RAB3C: variants seen among roughly 807,000 people sequenced by gnomAD.
RAB3C encodes the protein RAB3C, member RAS oncogene family.
A neutral mutation model predicts 26.4 loss-of-function variants in RAB3C; 17 were observed. The observed-to-expected ratio is 0.64, with a 90% CI of 0.44 to 0.97. The LOEUF (loss-of-function observed/expected upper bound fraction) is 0.97, where lower values mean the gene tolerates loss of function less well. Ranked by LOEUF, RAB3C falls within the 50% of genes least tolerant of loss-of-function variation. The pLI is 0.00. For missense variants in RAB3C, 242 were observed against 281.9 expected, an observed-to-expected ratio of 0.86 and a Z score of 1.01; for synonymous variants, 91 against 95.9, an observed-to-expected ratio of 0.95 and a Z score of 0.30.
At chr5:58,779,255 C>A (rs973163598) in intron 3 of RAB3C, among the ~76,000 whole-genome samples, 1 of 151,586 alleles carries the variant, frequency 6.6e-6, no homozygotes, top group African/African-American at 2.4e-5. Context: ...CTCTAAGTAT[C>A]TGTAACAACT....
At chr5:58,582,848 G>C (rs1057368436), upstream of RAB3C, among the ~76,000 whole-genome samples, 6 of 152,230 alleles carry the variant, frequency 3.9e-5, no homozygotes, top group Non-Finnish European at 7.3e-5. Context: ...AAAGAGCAGG[G>C]GAGACTGGGA....
intron 2 of RAB3C, among the ~76,000 whole-genome samples, chr5:58,716,315 A>C (rs1488883433): frequency 6.6e-6 from 1 of 152,284 alleles, no homozygotes; most frequent in East Asian, 1.9e-4. Flanking sequence ...TAAAGCACAT[A>C]CATGAACAAA....
In RAB3C at chr5:58,830,314, G is replaced by C. The variant is rs112838229; in HGVS notation, c.496+5152G>C. Among the ~76,000 whole-genome samples, 1,290 of 152,236 alleles carry C rather than the reference G, an allele frequency of 8.5e-3. 23 individuals are homozygous for C. Among genetic ancestry groups the C allele is most frequent in the African/African-American group, 0.029 (1,208 of 41,536 alleles). ...TGGAAGTGGAAGGTAGTGCAGGCGG[G>C]ACATATAATTACTTCCCAAAAGGTC... On this transcript the variant is annotated intron_variant, in intron 4 of 4. Coordinates refer to ENST00000282878, the MANE Select transcript of RAB3C (RefSeq NM_138453.4).
chr5:58,778,541 G>A (rs1742200417), intron 3 of RAB3C, among the ~76,000 whole-genome samples: 1 of 152,100 alleles, frequency 6.6e-6, no homozygotes, highest in Non-Finnish European at 1.5e-5. Context: ...AGTGGATAAA[G>A]GATAGAATGG....
intron 2 of RAB3C, among the ~76,000 whole-genome samples, chr5:58,667,064 C>G (rs1207592800): frequency 6.6e-6 from 1 of 152,186 alleles, no homozygotes; most frequent in African/African-American, 2.4e-5. Context: ...GTGGCAGACT[C>G]TCCAAGTTGC....
chr5:58,786,670 G>A (rs185056621), intron 3 of RAB3C, among the ~76,000 whole-genome samples: 3 of 151,960 alleles, frequency 2.0e-5, no homozygotes, highest in African/African-American at 4.8e-5. Context: ...CTTTCGGACC[G>A]CACGGCTTGC....
chr5:58,652,004 C>A (rs1747663015), intron 2 of RAB3C, among the ~76,000 whole-genome samples: 1 of 151,792 alleles, frequency 6.6e-6, no homozygotes, highest in South Asian at 2.1e-4. Context: ...TTATTGGTTT[C>A]TTTGTCCTGA....
intron 4 of RAB3C, among the ~76,000 whole-genome samples, chr5:58,847,854 C>CTTTATTTA (rs3060524): frequency 2.6e-4 from 40 of 151,146 alleles, no homozygotes; most frequent in Middle Eastern, 3.4e-3. Flanking sequence ...TTTCCAGAAC[C>CTTTATTTA]TTTATTTATT....
intron 2 of RAB3C, among the ~76,000 whole-genome samples, chr5:58,691,071 A>G (rs779062027): frequency 1.6e-4 from 24 of 152,072 alleles, no homozygotes; most frequent in Non-Finnish European, 2.6e-4. Context: ...AAACACATAC[A>G]TTATGATAGT....
At chr5:58,730,278 A>G (rs1414423059) in intron 3 of RAB3C, among the ~76,000 whole-genome samples, 1 of 152,022 alleles carries the variant, frequency 6.6e-6, no homozygotes, top group African/African-American at 2.4e-5. Flanking sequence ...ATTAATTTCA[A>G]AAGTAAAAAA....
At chr5:58,744,909 GT>G (rs944886252) in intron 3 of RAB3C, among the ~76,000 whole-genome samples, 2 of 152,078 alleles carry the variant, frequency 1.3e-5, no homozygotes, top group African/African-American at 4.8e-5. Context: ...TCCGATTTCA[GT>G]TTTTTTCAGG....
intron 3 of RAB3C, among the ~76,000 whole-genome samples, chr5:58,769,225 A>G (rs1484877986): frequency 6.6e-6 from 1 of 152,092 alleles, no homozygotes; most frequent in East Asian, 1.9e-4. Context: ...TGTGCAGGGT[A>G]TATCCTGGAC....
At chr5:58,739,461 A>G (rs1332194716) in intron 3 of RAB3C, among the ~76,000 whole-genome samples, 2 of 152,172 alleles carry the variant, frequency 1.3e-5, no homozygotes, top group Admixed American at 1.3e-4. Flanking sequence ...AATTAAGATA[A>G]TTATCCTAGT....
intron 3 of RAB3C, among the ~76,000 whole-genome samples, chr5:58,776,589 A>C (rs1035200707): frequency 2.6e-5 from 4 of 152,022 alleles, no homozygotes; most frequent in African/African-American, 7.2e-5. Context: ...TTTTCTTCTT[A>C]ATCTTCCATC....
intron 2 of RAB3C, among the ~76,000 whole-genome samples, chr5:58,623,856 A>C (rs1046945116): frequency 1.3e-5 from 2 of 152,142 alleles, no homozygotes; most frequent in African/African-American, 2.4e-5. Context: ...CTGGTGACCC[A>C]GGGTTCAAAT....
intron 2 of RAB3C, among the ~76,000 whole-genome samples, chr5:58,689,787 T>C (rs1283813222): frequency 6.6e-6 from 1 of 152,118 alleles, no homozygotes; most frequent in Non-Finnish European, 1.5e-5. Flanking sequence ...CCTCAACTTC[T>C]CCTCAAAGCC....
At chr5:58,753,874 T>C (rs1482762851) in intron 3 of RAB3C, among the ~76,000 whole-genome samples, 1 of 152,196 alleles carries the variant, frequency 6.6e-6, no homozygotes, top group Non-Finnish European at 1.5e-5. Flanking sequence ...AGTGGGACCC[T>C]TGCCTTCTAA....
At chr5:58,670,282 G>A (rs542664143) in intron 2 of RAB3C, among the ~76,000 whole-genome samples, 2 of 151,690 alleles carry the variant, frequency 1.3e-5, no homozygotes, top group Non-Finnish European at 1.5e-5. Context: ...GCCTACATAC[G>A]CTTCTTAAAA....
chr5:58,650,497 A>AGGGG (rs1391901509), intron 2 of RAB3C, among the ~76,000 whole-genome samples: 1 of 152,220 alleles, frequency 6.6e-6, no homozygotes. Flanking sequence ...TTTGCAAGTA[A>AGGGG]TACGGTTTAA....
Sources: gnomAD v4.1 joint callset for allele counts (sites outside exome capture counted in the v4.1 genomes callset) on GRCh38, gnomAD v4.1.1 for gene constraint, MANE v1.5 for transcripts, NCBI Gene and HGNC (gene_info 2026-07-23, HGNC 2026-07-21) for gene names.